The following ERICH6B variants were observed in gnomAD, a reference collection of about 807,000 sequenced individuals.
ERICH6B encodes glutamate rich 6B, also known as glutamate-rich protein 6B.
Under a neutral mutation model 80.0 loss-of-function variants are expected in ERICH6B, and 69 were observed. The ratio of observed to expected loss-of-function variants is 0.86; its 90% CI spans 0.71 to 1.05. The LOEUF is 1.05. Ranked by LOEUF, ERICH6B falls within the 50% of genes least tolerant of loss-of-function variation. The pLI is 0.00. For missense variants in ERICH6B, 754 were observed against 796.1 expected, an observed-to-expected ratio of 0.95 and a Z score of 0.64; for synonymous variants, 283 against 291.9, an observed-to-expected ratio of 0.97 and a Z score of 0.31.
intron 11 of ERICH6B, among the ~76,000 whole-genome samples, chr13:45,559,967 A>G (rs1161476789): frequency 6.6e-6 from 1 of 152,160 alleles, no homozygotes. Flanking sequence ...TGTCTTGATG[A>G]CCTGTCTAGT....
intron 3 of ERICH6B, 94 bp from the exon 4 acceptor site, chr13:45,590,791 G>T: frequency 9.9e-7 from 1 of 1,006,470 alleles, no homozygotes; most frequent in South Asian, 1.6e-5. Flanking sequence ...GAGGGCCCTA[G>T]TTATAGAAAT....
chr13:45,595,721 G>T (rs540472203), intron 3 of ERICH6B, among the ~76,000 whole-genome samples: 222 of 147,204 alleles, frequency 1.5e-3, no homozygotes, highest in African/African-American at 5.5e-3. Context: ...TGTTACCCAG[G>T]CTGCTCAAAA....
At chr13:45,601,526 A>T (rs954666428) in intron 2 of ERICH6B, among the ~76,000 whole-genome samples, 1 of 152,148 alleles carries the variant, frequency 6.6e-6, no homozygotes, top group African/African-American at 2.4e-5. Context: ...AAAGGCTTAC[A>T]CTTCAGGGCT....
intron 1 of ERICH6B, among the ~76,000 whole-genome samples, chr13:45,610,931 G>A (rs1022374948): frequency 7.3e-5 from 11 of 151,530 alleles, no homozygotes; most frequent in Admixed American, 5.9e-4. Flanking sequence ...TCAAGGACAG[G>A]GGTTTCCTAT....
intron 5 of ERICH6B, among the ~76,000 whole-genome samples, chr13:45,586,410 T>C (rs575911575): frequency 6.6e-6 from 1 of 152,220 alleles, no homozygotes; most frequent in East Asian, 1.9e-4. Context: ...TTTAAATAAT[T>C]AATAACGGCA....
Position 45,568,310 on chromosome 13 carries a change from C to A in ERICH6B, c.1187+5G>T. ...ACCAATCACTTGGCCTCACCAGTTACTTACATAATTACCAGTTTCCATCTG... is the reference window on the plus strand; with the variant it reads ...ACCAATCACTTGGCCTCACCAGTTAATTACATAATTACCAGTTTCCATCTG... On this transcript the variant is annotated splice_donor_5th_base_variant and intron_variant, in intron 9 of 14. Transcript: ENST00000298738. 1.9e-6 allele frequency: 3 copies of A among 1,538,802 alleles called. No homozygotes were observed. The highest frequency in any genetic ancestry group is 2.6e-6 in the Non-Finnish European group (3 of 1,142,154).
chr13:45,587,470 C>T (rs1336966552), intron 4 of ERICH6B, among the ~76,000 whole-genome samples: 1 of 152,194 alleles, frequency 6.6e-6, no homozygotes, highest in Non-Finnish European at 1.5e-5. Flanking sequence ...TCTGTGGCTA[C>T]CTTCAAAGGC....
rs934703638 is a variant in ERICH6B, at chr13:45,568,238, A to G, written c.1187+77T>C. 3.5e-6 allele frequency: 5 copies of G among 1,409,992 alleles called. No individual in the cohort carries two copies. The African/African-American group carries it at 7.4e-5, about 21-fold the overall frequency. The allele number at this position is 1,409,992 out of a possible 1,614,324, so 87.3% of individuals were successfully genotyped here. On this transcript the variant is annotated intron_variant, in intron 9 of 14. Transcript: ENST00000298738. Reference sequence around the variant, plus strand: ...ACTTGCTCTTTTTTGTTGATGGCTCAGTTTACACTTTCCCTGCTGCCACCT... The same window carrying G: ...ACTTGCTCTTTTTTGTTGATGGCTCGGTTTACACTTTCCCTGCTGCCACCT...
chr13:45,581,146 T>C (rs1165387385), intron 5 of ERICH6B, among the ~76,000 whole-genome samples: 1 of 152,106 alleles, frequency 6.6e-6, no homozygotes, highest in East Asian at 1.9e-4. Context: ...AACATGGGGA[T>C]TGCCTAGGAT....
In ERICH6B at chr13:45,544,741, T is replaced by G. The variant is rs1394605362; in HGVS notation, c.1872+19A>C. Reference sequence around the variant, plus strand: ...TGGGCACCCCACCTGGTGGAGGGTATGGGGAGTTGTGACCTTACCTTGTAC... The same window carrying G: ...TGGGCACCCCACCTGGTGGAGGGTAGGGGGAGTTGTGACCTTACCTTGTAC... On this transcript the variant is annotated intron_variant, in intron 14 of 14. Transcript: ENST00000298738. 1 of 1,547,858 alleles carries G rather than the reference T, an allele frequency of 6.5e-7. No homozygotes were observed. Among genetic ancestry groups the G allele is most frequent in the African/African-American group, 1.4e-5 (1 of 72,974 alleles).
intron 8 of ERICH6B, among the ~76,000 whole-genome samples, chr13:45,571,441 C>T (rs929019660): frequency 6.6e-6 from 1 of 152,050 alleles, no homozygotes; most frequent in Admixed American, 6.6e-5. Flanking sequence ...CAAGAAAGCT[C>T]CTAGGCTCAT....
At chr13:45,579,865 G>A in intron 7 of ERICH6B, 68 bp downstream of exon 7, 2 of 1,487,742 alleles carry the variant, frequency 1.3e-6, no homozygotes, top group Non-Finnish European at 1.8e-6. Flanking sequence ...CCTGCTAGGG[G>A]CACCTTCCCC....
chr13:45,554,730 G>A (rs1874366719), intron 11 of ERICH6B, among the ~76,000 whole-genome samples: 1 of 152,250 alleles, frequency 6.6e-6, no homozygotes, highest in South Asian at 2.1e-4. Context: ...TTAAAGTGCA[G>A]AGTAAAGAGA....
chr13:45,577,676 T>A (rs181729224), intron 7 of ERICH6B, among the ~76,000 whole-genome samples: 1 of 152,322 alleles, frequency 6.6e-6, no homozygotes, highest in Admixed American at 6.5e-5. Context: ...TGCAGTGTTG[T>A]GATCATGGCT....
intron 13 of ERICH6B, among the ~76,000 whole-genome samples, chr13:45,549,362 G>T (rs1382805100): frequency 6.6e-6 from 1 of 152,078 alleles, no homozygotes; most frequent in East Asian, 1.9e-4. Context: ...CCTGAAAAGA[G>T]AGTCCTTTAC....
At position 45,544,878 on chromosome 13, in the gene ERICH6B, G is replaced by C; in HGVS notation, c.1754C>G (p.Pro585Arg). The C allele has an allele frequency of 6.4e-7, 1 of 1,551,708 alleles. No individual in the cohort carries two copies. Among genetic ancestry groups the C allele is most frequent in the Non-Finnish European group, 8.7e-7 (1 of 1,147,006 alleles). The change falls in exon 14 of 15, where the codon CCC (proline) becomes CGC (arginine). Residue 585 changes from proline to arginine, a missense_variant. Coordinates refer to ENST00000298738, the MANE Select transcript of ERICH6B (RefSeq NM_182542.3). ...NIHVHAPPVQPISLKINEYIQ... is the reference protein window; with the variant it reads ...NIHVHAPPVQRISLKINEYIQ... ...GTACTCATTGATTTTCAAGGAGATGGGCTGGACAGGGGGTGCGTGGACATG... is the reference window on the plus strand; with the variant it reads ...GTACTCATTGATTTTCAAGGAGATGCGCTGGACAGGGGGTGCGTGGACATG...
chr13:45,599,664 C>T (rs966578596), intron 2 of ERICH6B, among the ~76,000 whole-genome samples: 2 of 152,082 alleles, frequency 1.3e-5, no homozygotes, highest in African/African-American at 4.8e-5. Context: ...AAAAAGTGTG[C>T]TGTTTTGGGA....
chr13:45,559,844 A>C (rs769832120), intron 11 of ERICH6B, among the ~76,000 whole-genome samples: 2 of 152,176 alleles, frequency 1.3e-5, no homozygotes, highest in African/African-American at 2.4e-5. Context: ...AGTTCCATGC[A>C]CTGATGAATA....
intron 6 of ERICH6B, 146 bp downstream of exon 6, chr13:45,580,457 C>T (rs1257449482): frequency 4.2e-6 from 3 of 714,538 alleles, no homozygotes; most frequent in Non-Finnish European, 6.9e-6. Context: ...ATGCCTTGGC[C>T]ATTGGCCTCC....
Sources: gnomAD v4.1 joint callset for allele counts (sites outside exome capture counted in the v4.1 genomes callset) on GRCh38, gnomAD v4.1.1 for gene constraint, MANE v1.5 for transcripts, NCBI Gene and HGNC (gene_info 2026-07-23, HGNC 2026-07-21) for gene names.